Variants in ESR1 observed in about 807,000 individuals in gnomAD.
ESR1 encodes estrogen receptor 1.
ESR1 carries 12 observed loss-of-function variants against 52.7 expected under a neutral mutation model. The observed-to-expected ratio is 0.23, with a 90% CI of 0.15 to 0.37. The LOEUF is 0.37. Ranked by LOEUF, ESR1 falls within the 10% of genes least tolerant of loss-of-function variation. ESR1 has a pLI of 1.00. For missense variants in ESR1, 584 were observed against 779.7 expected (o/e 0.75, Z 2.99); for synonymous variants, 305 against 316.8 (o/e 0.96, Z 0.39).
intron 4 of ESR1, 54 bp downstream of exon 4, chr6:151,944,562 G>A (rs2035482631): frequency 6.7e-7 from 1 of 1,499,912 alleles, no homozygotes; most frequent in Non-Finnish European, 9.3e-7. Context: ...AGAACTTGTT[G>A]TGATGTCATG....
rs529993127 is a variant in ESR1 at position 151,925,075 on chromosome 6, C to T, written c.761-19098C>T. ...TGGGTGAACTAATTTACACTCCCAC[C>T]AGCAGTGTATAAGTCTTCCCTTTTC... On this transcript the variant is annotated intron_variant, in intron 3 of 7. Transcript: ENST00000206249. 6.6e-5 allele frequency among the ~76,000 whole-genome samples: 10 copies of T among 152,010 alleles called. No homozygotes were observed. In the South Asian group the frequency reaches 8.3e-4, roughly 13 times the overall value.
intron 2 of ESR1, among the ~76,000 whole-genome samples, chr6:151,726,540 A>G (rs191950723): frequency 6.6e-6 from 1 of 152,212 alleles, no homozygotes; most frequent in Admixed American, 6.5e-5. Context: ...GTTTCACCGT[A>G]TTAGCCAGGA....
chr6:151,681,610 T>C (rs1003104278), intron 1 of ESR1, among the ~76,000 whole-genome samples: 1 of 152,246 alleles, frequency 6.6e-6, no homozygotes, highest in African/African-American at 2.4e-5. Flanking sequence ...CTCATTCTCT[T>C]CGTCCCCAAT....
chr6:152,010,573 T>C (rs931878328), intron 4 of ESR1, among the ~76,000 whole-genome samples: 12 of 152,072 alleles, frequency 7.9e-5, no homozygotes, highest in Admixed American at 2.0e-4. Flanking sequence ...TTGATTTATT[T>C]AATGTCCCTG....
At chr6:151,666,703 CCTCCTCCTCCTCCT>C (rs1777838015) in intron 1 of ESR1, among the ~76,000 whole-genome samples, 1 of 88,378 alleles carries the variant, frequency 1.1e-5, no homozygotes, top group African/African-American at 8.2e-5. Flanking sequence ...TCCCCCTCCT[CCTCCTCCTCCTCCT>C]CCTCCTCCTC....
chr6:151,842,869 T>G, intron 2 of ESR1, 82 bp downstream of exon 2: 1 of 1,209,010 alleles, frequency 8.3e-7, no homozygotes, highest in East Asian at 2.4e-5. Flanking sequence ...AAGGAAGACA[T>G]AGAATCAGCC....
chr6:152,048,146 G>A (rs534906573), intron 5 of ESR1, among the ~76,000 whole-genome samples: 1 of 151,658 alleles, frequency 6.6e-6, no homozygotes, highest in Non-Finnish European at 1.5e-5. Flanking sequence ...CGAGGCAGGT[G>A]GACCACGAGG....
At chr6:151,940,289 G>A (rs530359386) in intron 3 of ESR1, among the ~76,000 whole-genome samples, 6 of 152,252 alleles carry the variant, frequency 3.9e-5, no homozygotes, top group Non-Finnish European at 8.8e-5. Flanking sequence ...CCCACATGTG[G>A]GGATTATGGG....
chr6:151,733,227 A>G (rs1348628087), intron 2 of ESR1, among the ~76,000 whole-genome samples: 2 of 152,206 alleles, frequency 1.3e-5, no homozygotes, highest in Non-Finnish European at 2.9e-5. Flanking sequence ...CTGGGACCAC[A>G]CAGTACGTAG....
In ESR1 at chr6:152,093,462, T is replaced by C. The variant is rs370487056; in HGVS notation, c.1370-923T>C. ...GCTGGGAAGAGGGCCATTCAGAGCCTCGTATTCTCATCCTCTCAGTTTAGC... is the reference window on the plus strand; with the variant it reads ...GCTGGGAAGAGGGCCATTCAGAGCCCCGTATTCTCATCCTCTCAGTTTAGC... On this transcript the variant is annotated intron_variant, in intron 6 of 7. Coordinates refer to ENST00000206249, the MANE Select transcript of ESR1 (RefSeq NM_000125.4). Among the ~76,000 whole-genome samples the C allele has an allele frequency of 3.3e-5, 5 of 152,062 alleles. No individual in the cohort carries two copies. In the East Asian group the frequency reaches 5.8e-4, roughly 18 times the overall value.
chr6:151,857,471 A>C (rs1562483454), intron 2 of ESR1, among the ~76,000 whole-genome samples: 4 of 151,344 alleles, frequency 2.6e-5, no homozygotes, highest in Admixed American at 6.6e-5. Context: ...ACACACCCAC[A>C]CACACAAACA....
intron 5 of ESR1, among the ~76,000 whole-genome samples, chr6:152,031,738 G>T (rs1450225154): frequency 6.6e-5 from 10 of 152,104 alleles, no homozygotes; most frequent in South Asian, 2.1e-4. Flanking sequence ...CCATTCCTTC[G>T]GAAACTATTC....
At chr6:151,907,121 A>G (rs2128423540) in intron 3 of ESR1, among the ~76,000 whole-genome samples, 1 of 152,116 alleles carries the variant, frequency 6.6e-6, no homozygotes, top group South Asian at 2.1e-4. Flanking sequence ...GTCTACACTA[A>G]AAGCAATTTA....
At chr6:151,973,382 C>T (rs557623213) in intron 4 of ESR1, among the ~76,000 whole-genome samples, 1 of 152,172 alleles carries the variant, frequency 6.6e-6, no homozygotes, top group Admixed American at 6.5e-5. Context: ...TGCACACAAG[C>T]TAAAGAATAC....
chr6:151,729,302 T>G (rs1032240258), intron 2 of ESR1, among the ~76,000 whole-genome samples: 1 of 152,160 alleles, frequency 6.6e-6, no homozygotes, highest in Non-Finnish European at 1.5e-5. Flanking sequence ...TGCCTTGGCC[T>G]TGGACTTCCC....
intron 2 of ESR1, among the ~76,000 whole-genome samples, chr6:151,875,022 T>C (rs148455589): frequency 2.8e-4 from 42 of 152,358 alleles, no homozygotes; most frequent in African/African-American, 9.6e-4. Flanking sequence ...CATTTCTATA[T>C]AAAACAAGCT....
intron 1 of ESR1, chr6:151,809,176 G>T (rs1001609640): frequency 4.4e-6 from 2 of 455,518 alleles, no homozygotes; most frequent in Non-Finnish European, 9.3e-6. Flanking sequence ...CCGGAGTGGC[G>T]TGCGGGTCAG....
At chr6:152,009,902 T>C (rs1450607898) in intron 4 of ESR1, among the ~76,000 whole-genome samples, 1 of 152,140 alleles carries the variant, frequency 6.6e-6, no homozygotes, top group African/African-American at 2.4e-5. Flanking sequence ...CACTTAGGAA[T>C]AGAAAGAATC....
intron 4 of ESR1, among the ~76,000 whole-genome samples, chr6:151,999,137 G>A (rs535634580): frequency 6.6e-6 from 1 of 152,100 alleles, no homozygotes; most frequent in African/African-American, 2.4e-5. Context: ...GGATTTGAAA[G>A]GCAAGAAACA....
Sources: gnomAD v4.1 joint callset for allele counts (sites outside exome capture counted in the v4.1 genomes callset) on GRCh38, gnomAD v4.1.1 for gene constraint, MANE v1.5 for transcripts, NCBI Gene and HGNC (gene_info 2026-07-23, HGNC 2026-07-21) for gene names.